Variants in THSD7B observed in about 807,000 individuals in gnomAD.
THSD7B encodes the protein thrombospondin type-1 domain-containing protein 7B.
Under a neutral mutation model 213.6 loss-of-function variants are expected in THSD7B, and 138 were observed. That is an observed-to-expected ratio of 0.65 (90% CI 0.56 to 0.74). The LOEUF is 0.74. Ranked by LOEUF, THSD7B falls within the 30% of genes least tolerant of loss-of-function variation. THSD7B has a pLI of 0.00. For missense variants in THSD7B, 1,931 were observed against 1,991.5 expected (o/e 0.97, Z 0.58); for synonymous variants, 742 against 687.0 (o/e 1.08, Z -1.25).
intron 15 of THSD7B, chr2:137,452,121 C>A (rs1197730432): frequency 1.4e-5 from 9 of 662,780 alleles, no homozygotes; most frequent in Non-Finnish European, 1.7e-5. Context: ...ACATATAACT[C>A]ACTGAAATTA....
chr2:137,105,692 G>A (rs1688233477), intron 4 of THSD7B, among the ~76,000 whole-genome samples: 1 of 152,166 alleles, frequency 6.6e-6, no homozygotes, highest in Admixed American at 6.5e-5. Flanking sequence ...AAGCTGATAA[G>A]CAACTTCAGC....
intron 7 of THSD7B, among the ~76,000 whole-genome samples, chr2:137,207,205 C>T (rs1376246483): frequency 1.3e-5 from 2 of 152,038 alleles, no homozygotes; most frequent in Non-Finnish European, 2.9e-5. Context: ...ATGTTAACAA[C>T]TTGACCAGGT....
At chr2:137,059,531 C>T (rs1687231334) in intron 3 of THSD7B, among the ~76,000 whole-genome samples, 1 of 152,086 alleles carries the variant, frequency 6.6e-6, no homozygotes, top group African/African-American at 2.4e-5. Context: ...TTTACTCATC[C>T]TTCCCTCTCT....
chr2:137,329,242 G>T (rs75606688), intron 12 of THSD7B, among the ~76,000 whole-genome samples: 11,905 of 152,262 alleles, frequency 0.078, 622 homozygotes, highest in Non-Finnish European at 0.12. Flanking sequence ...TAAGGAATTT[G>T]TTGGGAACTG....
At chr2:137,465,567 T>A (rs539808484) in intron 15 of THSD7B, among the ~76,000 whole-genome samples, 13 of 152,236 alleles carry the variant, frequency 8.5e-5, no homozygotes, top group African/African-American at 2.9e-4. Context: ...TAACTGGGAC[T>A]CAGAGCGGTG....
At chr2:137,356,672 G>A (rs2104928308) in intron 12 of THSD7B, among the ~76,000 whole-genome samples, 1 of 152,068 alleles carries the variant, frequency 6.6e-6, no homozygotes, top group African/African-American at 2.4e-5. Context: ...CCTTATGAGG[G>A]GCTGTCTCGA....
chr2:137,256,367 C>A lies in THSD7B; in HGVS notation c.2266+13795C>A, dbSNP rs144887176. 1.2e-3 allele frequency among the ~76,000 whole-genome samples: 186 copies of A among 152,152 alleles called. 1 individual carries two copies. The East Asian group carries it at 0.024, about 20-fold the overall frequency. On this transcript the variant is annotated intron_variant, in intron 10 of 27. Transcript: ENST00000409968. ...GGAATGAGTACAGGACATTATGGAG[C>A]CAGAAAGAAGGGAGTCCTGTGATTG...
intron 1 of THSD7B, among the ~76,000 whole-genome samples, chr2:136,872,307 C>A (rs1683441722): frequency 1.4e-5 from 2 of 142,856 alleles, no homozygotes; most frequent in Admixed American, 8.0e-5. Context: ...TGGCTTCAAG[C>A]AGGCTCTGGC....
chr2:136,893,113 C>T (rs1683894574), intron 2 of THSD7B, among the ~76,000 whole-genome samples: 1 of 152,122 alleles, frequency 6.6e-6, no homozygotes, highest in South Asian at 2.1e-4. Context: ...ACCACTTCTA[C>T]CACAGTCTGT....
At chr2:137,647,820 C>G (rs1683065240) in intron 21 of THSD7B, among the ~76,000 whole-genome samples, 1 of 152,166 alleles carries the variant, frequency 6.6e-6, no homozygotes, top group Admixed American at 6.5e-5. Context: ...GTTTGTGAAG[C>G]TGAGGCCAGC....
At chr2:137,144,425 A>C (rs1022967904) in intron 5 of THSD7B, among the ~76,000 whole-genome samples, 1 of 152,076 alleles carries the variant, frequency 6.6e-6, no homozygotes, top group Non-Finnish European at 1.5e-5. Context: ...TTGAGTGCTG[A>C]CTATCTGCTT....
chr2:136,864,566 T>C (rs911346595), intron 1 of THSD7B, among the ~76,000 whole-genome samples: 1 of 152,126 alleles, frequency 6.6e-6, no homozygotes, highest in Non-Finnish European at 1.5e-5. Flanking sequence ...TTTCTTTTTT[T>C]TTTTGAGACA....
chr2:137,082,319 A>G (rs1479225227), intron 3 of THSD7B, among the ~76,000 whole-genome samples: 1 of 151,940 alleles, frequency 6.6e-6, no homozygotes, highest in Non-Finnish European at 1.5e-5. Flanking sequence ...GTGTGTGTTC[A>G]TGTTCTGTCT....
At chr2:137,592,840 T>C (rs1477480019) in intron 17 of THSD7B, among the ~76,000 whole-genome samples, 1 of 152,032 alleles carries the variant, frequency 6.6e-6, no homozygotes, top group East Asian at 1.9e-4. Context: ...TACAGGATCT[T>C]TGATGCTGCT....
chr2:137,393,278 T>A (rs1277188720), intron 12 of THSD7B, among the ~76,000 whole-genome samples: 1 of 151,920 alleles, frequency 6.6e-6, no homozygotes, highest in African/African-American at 2.4e-5. Context: ...TCATCTAGCA[T>A]TAGGTATATC....
At chr2:137,431,012 ACT>A (rs1001592034) in intron 14 of THSD7B, among the ~76,000 whole-genome samples, 23 of 152,222 alleles carry the variant, frequency 1.5e-4, no homozygotes, top group African/African-American at 5.5e-4. Context: ...AAAGAGTCAA[ACT>A]CTATAAAATA....
chr2:136,923,890 T>C (rs1232177502), intron 2 of THSD7B, among the ~76,000 whole-genome samples: 2 of 152,186 alleles, frequency 1.3e-5, no homozygotes, highest in Non-Finnish European at 2.9e-5. Flanking sequence ...ATATTTTCTC[T>C]CATTCTGCAG....
rs1177036346 is a variant in THSD7B, at chr2:137,571,520, A to C, written c.3273-886A>C. On this transcript the variant is annotated intron_variant, in intron 16 of 27. Transcript: ENST00000409968. ...GTAGACATTGCCAACCAGTTTTCAA[A>C]ACAGATTATGCTCCCACCAGCAGCA... 3.9e-5 allele frequency among the ~76,000 whole-genome samples: 6 copies of C among 152,176 alleles called. No homozygotes were observed. In the East Asian group the frequency reaches 1.2e-3, roughly 29 times the overall value.
chr2:137,088,071 C>G (rs1687873763), intron 3 of THSD7B, among the ~76,000 whole-genome samples: 1 of 151,888 alleles, frequency 6.6e-6, no homozygotes, highest in Non-Finnish European at 1.5e-5. Context: ...GAAACCCTGT[C>G]TCTACTAAAA....
Sources: gnomAD v4.1 joint callset for allele counts (sites outside exome capture counted in the v4.1 genomes callset) on GRCh38, gnomAD v4.1.1 for gene constraint, MANE v1.5 for transcripts, NCBI Gene and HGNC (gene_info 2026-07-23, HGNC 2026-07-21) for gene names.